Variants in SUMF1 observed in about 807,000 individuals in gnomAD.
SUMF1 encodes the protein sulfatase modifying factor 1, also known as formylglycine-generating enzyme.
Under a neutral mutation model 47.6 loss-of-function variants are expected in SUMF1, and 48 were observed. The observed-to-expected ratio is 1.01, with a 90% confidence interval of 0.80 to 1.28. SUMF1 has a LOEUF of 1.28. SUMF1 is among the 50% of genes most tolerant of loss of function. The pLI is 0.00. For missense variants in SUMF1, 571 were observed against 485.4 expected (o/e 1.18, Z -1.66); for synonymous variants, 230 against 192.1 (o/e 1.20, Z -1.63).
In SUMF1 at chr3:4,362,073, A is replaced by G. The variant is rs1015204070; in HGVS notation, c.*71T>C. ...GGAATTCTTTGCATGGGATCGTTCA[A>G]AGTTCTGAGAAAAGCCCAATGTAGG... On this transcript the variant is annotated 3_prime_UTR_variant, in exon 9 of 9. Transcript: ENST00000272902. The G allele has an allele frequency of 6.9e-7, 1 of 1,451,550 alleles. No individual in the cohort carries two copies. Among genetic ancestry groups the G allele is most frequent in the Non-Finnish European group, 9.7e-7 (1 of 1,035,972 alleles). 89.9% of individuals were successfully genotyped at this position (1,451,550 alleles called of 1,614,324 possible). A position where few individuals can be genotyped will look rare whatever the true frequency, so the allele number is the denominator to read the frequency against.
At chr3:4,224,201 T>C (rs1306193085) in intron 8 of SUMF1, among the ~76,000 whole-genome samples, 1 of 151,994 alleles carries the variant, frequency 6.6e-6, no homozygotes, top group Non-Finnish European at 1.5e-5. Flanking sequence ...TTGGTGCAGA[T>C]AAAGTTTCTA....
At chr3:4,394,275 TC>T (rs1365875833) in intron 7 of SUMF1, among the ~76,000 whole-genome samples, 29 of 152,058 alleles carry the variant, frequency 1.9e-4, no homozygotes, top group African/African-American at 6.5e-4. Flanking sequence ...ACTCAAGCAA[TC>T]CTACCACCTC....
At chr3:4,162,744 T>G (rs769699758) in intron 8 of SUMF1, among the ~76,000 whole-genome samples, 10 of 152,166 alleles carry the variant, frequency 6.6e-5, no homozygotes, top group Non-Finnish European at 1.5e-4. Flanking sequence ...TCAATGCCTC[T>G]TTCAGTGATA....
chr3:4,396,211 C>T lies in SUMF1; in HGVS notation c.954+14654G>A, dbSNP rs538388898. Among the ~76,000 whole-genome samples, 5 of 152,368 alleles carry T rather than the reference C, an allele frequency of 3.3e-5. No individual in the cohort carries two copies. In the South Asian group the frequency reaches 1.0e-3, roughly 32 times the overall value. ...CTGGGCTGAAGGCCAGGATGTCTGG[C>T]TTCAGCATCATAGTCGGCCATTCTG... On this transcript the variant is annotated intron_variant, in intron 7 of 8. Coordinates refer to ENST00000272902, the MANE Select transcript of SUMF1 (RefSeq NM_182760.4).
At chr3:4,209,940 G>GC (rs1695743359) in intron 8 of SUMF1, among the ~76,000 whole-genome samples, 1 of 152,048 alleles carries the variant, frequency 6.6e-6, no homozygotes, top group African/African-American at 2.4e-5. Flanking sequence ...TGTCACCCAG[G>GC]CTGGAGTGCA....
intron 8 of SUMF1, among the ~76,000 whole-genome samples, chr3:4,242,102 T>C (rs963248136): frequency 6.6e-6 from 1 of 152,206 alleles, no homozygotes; most frequent in African/African-American, 2.4e-5. Flanking sequence ...ATAGGAATGC[T>C]TGTGATATTT....
chr3:4,421,819 A>G (rs976321856), intron 3 of SUMF1, among the ~76,000 whole-genome samples: 3 of 152,192 alleles, frequency 2.0e-5, no homozygotes, highest in African/African-American at 7.2e-5. Context: ...TACAAATACA[A>G]AAGAAAGTGA....
chr3:4,435,228 A>C (rs2125083882), intron 3 of SUMF1, among the ~76,000 whole-genome samples: 1 of 152,274 alleles, frequency 6.6e-6, no homozygotes, highest in Admixed American at 6.5e-5. Context: ...GGCCCAGACA[A>C]AGACTTTAAA....
intron 8 of SUMF1, among the ~76,000 whole-genome samples, chr3:4,084,826 G>A (rs1395379799): frequency 1.3e-5 from 2 of 152,076 alleles, no homozygotes; most frequent in East Asian, 1.9e-4. Flanking sequence ...GAAAAACATT[G>A]TGTGGTTATC....
At chr3:4,424,239 C>T (rs1575206098) in intron 3 of SUMF1, among the ~76,000 whole-genome samples, 2 of 152,190 alleles carry the variant, frequency 1.3e-5, no homozygotes, top group East Asian at 3.9e-4. Context: ...GCTACCCCAC[C>T]CTCTGCTATA....
intron 3 of SUMF1, among the ~76,000 whole-genome samples, chr3:4,437,682 T>C (rs919088877): frequency 6.6e-6 from 1 of 152,308 alleles, no homozygotes; most frequent in African/African-American, 2.4e-5. Flanking sequence ...CTCACACCTG[T>C]AATCTCAGCA....
At chr3:4,278,425 T>A (rs1217487780) in intron 8 of SUMF1, among the ~76,000 whole-genome samples, 1 of 152,120 alleles carries the variant, frequency 6.6e-6, no homozygotes, top group Non-Finnish European at 1.5e-5. Flanking sequence ...AAAGGAGAAA[T>A]TGTTAGAATT....
At chr3:4,119,286 G>C (rs905958947) in intron 8 of SUMF1, among the ~76,000 whole-genome samples, 3 of 152,102 alleles carry the variant, frequency 2.0e-5, no homozygotes, top group South Asian at 4.1e-4. Flanking sequence ...ATTACTGCCT[G>C]TTATATTCCT....
chr3:4,417,310 GGA>G, intron 5 of SUMF1, 68 bp from the exon 6 acceptor site: 1 of 1,309,770 alleles, frequency 7.6e-7, no homozygotes, highest in Non-Finnish European at 1.1e-6. Context: ...TCAAGAGAAG[GGA>G]TGCAATGAAA....
Position 4,401,529 on chromosome 3 carries a change from C to T in SUMF1, c.954+9336G>A, listed in dbSNP as rs147791469. On this transcript the variant is annotated intron_variant, in intron 7 of 8. Transcript: ENST00000272902. ...AGCAGCAGACCCAAGGGCAGTTCCCCGGATTTACTGTACCCGTGGGAATGG... is the reference window on the plus strand; with the variant it reads ...AGCAGCAGACCCAAGGGCAGTTCCCTGGATTTACTGTACCCGTGGGAATGG... 3.9e-5 allele frequency among the ~76,000 whole-genome samples: 6 copies of T among 152,214 alleles called. No individual in the cohort carries two copies. The East Asian group carries it at 5.8e-4, about 15-fold the overall frequency.
chr3:4,424,289 C>G (rs1701998225), intron 3 of SUMF1, among the ~76,000 whole-genome samples: 1 of 152,154 alleles, frequency 6.6e-6, no homozygotes. Flanking sequence ...ATTCTAGACA[C>G]CCGCTTTTCT....
chr3:4,218,212 C>T (rs868750463), intron 8 of SUMF1, among the ~76,000 whole-genome samples: 9 of 151,928 alleles, frequency 5.9e-5, no homozygotes, highest in South Asian at 4.1e-4. Context: ...ACCCTGTCAA[C>T]CGAACACCTT....
intron 8 of SUMF1, among the ~76,000 whole-genome samples, chr3:4,265,741 C>G (rs550678528): frequency 2.0e-5 from 3 of 152,220 alleles, no homozygotes; most frequent in Non-Finnish European, 2.9e-5. Context: ...TAATTAGAAC[C>G]CATTTGTCAA....
At chr3:4,369,220 A>G (rs1466293235) in intron 8 of SUMF1, among the ~76,000 whole-genome samples, 4 of 152,158 alleles carry the variant, frequency 2.6e-5, no homozygotes, top group African/African-American at 9.7e-5. Context: ...CAATTTTCTC[A>G]TTTTCCTTGT....
Sources: gnomAD v4.1 joint callset for allele counts (sites outside exome capture counted in the v4.1 genomes callset) on GRCh38, gnomAD v4.1.1 for gene constraint, MANE v1.5 for transcripts, NCBI Gene and HGNC (gene_info 2026-07-23, HGNC 2026-07-21) for gene names.